Variants in KCNH8 observed in about 807,000 individuals in gnomAD.
The protein encoded by KCNH8 is potassium voltage-gated channel subfamily H member 8.
KCNH8 carries 70 observed loss-of-function variants against 103.6 expected under a neutral mutation model. The observed-to-expected ratio is 0.68, with a 90% confidence interval of 0.56 to 0.82. The LOEUF (loss-of-function observed/expected upper bound fraction) is 0.82. Among genes scored for constraint, KCNH8 ranks in the 40% least tolerant of loss-of-function variants. KCNH8 has a pLI of 0.00. For synonymous variants in KCNH8, 498 were observed against 489.4 expected (o/e 1.02, Z -0.23); for missense variants, 1,217 against 1,329.9 (o/e 0.92, Z 1.32).
intron 5 of KCNH8, among the ~76,000 whole-genome samples, chr3:19,364,341 T>C (rs1250286571): frequency 6.6e-6 from 1 of 152,124 alleles, no homozygotes. Flanking sequence ...TCACTAACAA[T>C]GACTCAATAC....
intron 1 of KCNH8, among the ~76,000 whole-genome samples, chr3:19,244,197 C>T (rs2064176439): frequency 2.0e-5 from 3 of 152,206 alleles, no homozygotes; most frequent in Non-Finnish European, 4.4e-5. Flanking sequence ...CTTAACTCTT[C>T]ACCTTTCCTT....
chr3:19,158,338 GTAC>G (rs1352575797), intron 1 of KCNH8, among the ~76,000 whole-genome samples: 1 of 151,034 alleles, frequency 6.6e-6, no homozygotes, highest in Non-Finnish European at 1.5e-5. Context: ...GTATATTTTA[GTAC>G]TACAATTTTA....
At chr3:19,216,368 A>G (rs927847074) in intron 1 of KCNH8, among the ~76,000 whole-genome samples, 2 of 152,218 alleles carry the variant, frequency 1.3e-5, no homozygotes, top group East Asian at 3.9e-4. Context: ...TGTATTTTGC[A>G]GGTAACTTTG....
At chr3:19,389,363 CAGG>C (rs2066402236) in intron 5 of KCNH8, among the ~76,000 whole-genome samples, 1 of 152,078 alleles carries the variant, frequency 6.6e-6, no homozygotes, top group African/African-American at 2.4e-5. Flanking sequence ...GATCAGCACT[CAGG>C]AGGACCTCAT....
intron 1 of KCNH8, among the ~76,000 whole-genome samples, chr3:19,162,423 C>G (rs1011518793): frequency 3.3e-5 from 5 of 151,376 alleles, no homozygotes; most frequent in African/African-American, 1.2e-4. Flanking sequence ...ATGGGAATCA[C>G]TTGATCCTGG....
At chr3:19,275,758 T>C (rs1425616073) in intron 2 of KCNH8, among the ~76,000 whole-genome samples, 4 of 152,156 alleles carry the variant, frequency 2.6e-5, no homozygotes, top group Middle Eastern at 3.2e-3. Context: ...CTTTTTTTAG[T>C]TCACCTCTTT....
At chr3:19,456,231 T>A (rs180781182) in intron 10 of KCNH8, among the ~76,000 whole-genome samples, 6 of 152,162 alleles carry the variant, frequency 3.9e-5, no homozygotes, top group Non-Finnish European at 5.9e-5. Context: ...AATCTAATAA[T>A]TTTAAAACTC....
At chr3:19,247,089 A>G (rs569019035) in intron 1 of KCNH8, among the ~76,000 whole-genome samples, 1 of 152,242 alleles carries the variant, frequency 6.6e-6, no homozygotes, top group Non-Finnish European at 1.5e-5. Context: ...TTAAAAAATC[A>G]AACCATAAAT....
At chr3:19,408,296 G>A (rs903425119) in intron 7 of KCNH8, among the ~76,000 whole-genome samples, 1 of 152,110 alleles carries the variant, frequency 6.6e-6, no homozygotes, top group Non-Finnish European at 1.5e-5. Flanking sequence ...CCCTAGGGTG[G>A]AAGGGGAAGG....
At chr3:19,470,067 T>G (rs1222669910) in intron 11 of KCNH8, among the ~76,000 whole-genome samples, 1 of 151,780 alleles carries the variant, frequency 6.6e-6, no homozygotes, top group Admixed American at 6.6e-5. Context: ...TATATTTAAT[T>G]TTTTTTTAAT....
At chr3:19,235,939 G>A (rs2064059158) in intron 1 of KCNH8, among the ~76,000 whole-genome samples, 1 of 152,186 alleles carries the variant, frequency 6.6e-6, no homozygotes, top group African/African-American at 2.4e-5. Context: ...TGATAAAACA[G>A]ATTTCAACAT....
At chr3:19,376,458 CAT>C (rs2066206261) in intron 5 of KCNH8, among the ~76,000 whole-genome samples, 2 of 152,164 alleles carry the variant, frequency 1.3e-5, no homozygotes, top group Non-Finnish European at 2.9e-5. Flanking sequence ...TGCTTCGGCT[CAT>C]GCACGGTGCG....
At chr3:19,250,161 T>A (rs1575468549) in intron 1 of KCNH8, among the ~76,000 whole-genome samples, 1 of 151,988 alleles carries the variant, frequency 6.6e-6, no homozygotes, top group Non-Finnish European at 1.5e-5. Flanking sequence ...GCTACTCTAG[T>A]GGCTGAGGTG....
At chr3:19,304,691 A>G (rs780385304) in intron 3 of KCNH8, among the ~76,000 whole-genome samples, 1 of 152,104 alleles carries the variant, frequency 6.6e-6, no homozygotes, top group Non-Finnish European at 1.5e-5. Context: ...AAATTAGAGG[A>G]CTATCAAGGA....
chr3:19,308,719 C>CCCCTCTCCCCCTCTCCCCCTCTCT (rs1559470123), intron 3 of KCNH8, among the ~76,000 whole-genome samples: 1 of 12,236 alleles, frequency 8.2e-5, no homozygotes, highest in African/African-American at 4.7e-4. Flanking sequence ...TCTCTCTCTC[C>CCCCTCTCCCCCTCTCCCCCTCTCT]CCCTCTCTCC....
intron 7 of KCNH8, among the ~76,000 whole-genome samples, chr3:19,414,269 A>C (rs894725834): frequency 2.6e-5 from 4 of 152,126 alleles, no homozygotes; most frequent in Non-Finnish European, 5.9e-5. Context: ...GAGATACTCA[A>C]ATGTTAAAGT....
intron 7 of KCNH8, among the ~76,000 whole-genome samples, chr3:19,423,054 AATT>A (rs1403676047): frequency 6.6e-6 from 1 of 152,078 alleles, no homozygotes; most frequent in African/African-American, 2.4e-5. Context: ...AATGATTAGA[AATT>A]ATTATCTCAA....
chr3:19,231,466 T>G (rs1246104052), intron 1 of KCNH8, among the ~76,000 whole-genome samples: 4 of 152,196 alleles, frequency 2.6e-5, no homozygotes, highest in Non-Finnish European at 5.9e-5. Flanking sequence ...ATTTTATATT[T>G]TATTTAGTAC....
At chr3:19,382,978 A>T (rs1477759216) in intron 5 of KCNH8, among the ~76,000 whole-genome samples, 2 of 152,144 alleles carry the variant, frequency 1.3e-5, no homozygotes, top group African/African-American at 4.8e-5. Context: ...TTATCAAGGC[A>T]AGGAGAAGAA....
Sources: gnomAD v4.1 joint callset for allele counts (sites outside exome capture counted in the v4.1 genomes callset) on GRCh38, gnomAD v4.1.1 for gene constraint, MANE v1.5 for transcripts, NCBI Gene and HGNC (gene_info 2026-07-23, HGNC 2026-07-21) for gene names.